The following GNPDA2 variants were observed in gnomAD, a reference collection of about 807,000 sequenced individuals.
GNPDA2 encodes the protein glcN6P deaminase 2.
GNPDA2 carries 24 observed loss-of-function variants against 27.0 expected under a neutral mutation model. The observed-to-expected ratio is 0.89, with a 90% CI of 0.64 to 1.25. The LOEUF is 1.25. GNPDA2 is among the 50% of genes most tolerant of loss of function. GNPDA2 has a pLI of 0.00. For missense variants in GNPDA2, 286 were observed against 335.1 expected (o/e 0.85, Z 1.14); for synonymous variants, 94 against 108.4 (o/e 0.87, Z 0.83).
intron 4 of GNPDA2, 26 bp from the exon 5 acceptor site, chr4:44,711,163 T>C (rs1326720348): frequency 1.2e-5 from 17 of 1,425,270 alleles, no homozygotes; most frequent in Non-Finnish European, 1.6e-5. Context: ...TACATACATA[T>C]ACACATGAAG....
intron 2 of GNPDA2, among the ~76,000 whole-genome samples, chr4:44,719,969 C>T (rs2109718751): frequency 6.6e-6 from 1 of 152,050 alleles, no homozygotes; most frequent in East Asian, 1.9e-4. Flanking sequence ...ACAGGAAAAA[C>T]ATTATAAATA....
Position 44,710,802 on chromosome 4 carries a change from G to A in GNPDA2, c.594+151C>T, listed in dbSNP as rs936351017. On this transcript the variant is annotated intron_variant, in intron 5 of 6. Coordinates refer to ENST00000295448, the MANE Select transcript of GNPDA2 (RefSeq NM_138335.3). ...AATTGATCCCTAAACATGTCAATGA[G>A]ACTGACAAAAGTTGGTTACTGAAAA... 4 of 571,916 alleles carry A rather than the reference G, an allele frequency of 7.0e-6. No homozygotes were observed. In the South Asian group the frequency reaches 8.9e-5, roughly 13 times the overall value. 35.4% of individuals were successfully genotyped at this position (571,916 alleles called of 1,614,324 possible). A position where few individuals can be genotyped will look rare whatever the true frequency, so the allele number is the denominator to read the frequency against.
chr4:44,703,241 TG>T, intron 6 of GNPDA2, 99 bp from the exon 7 acceptor site: 1 of 1,468,534 alleles, frequency 6.8e-7, no homozygotes, highest in East Asian at 2.5e-5. Flanking sequence ...ACAGTAAGCC[TG>T]TTTAGTTCCC....
In GNPDA2 at chr4:44,718,367, A is replaced by G; in HGVS notation, c.168T>C (p.His56=). Residue 56 remains histidine (H), a synonymous_variant, in exon 3 of 7, where the codon CAT becomes CAC. Coordinates refer to ENST00000295448, the MANE Select transcript of GNPDA2 (RefSeq NM_138335.3). ...LGCYKKLIEY[H]KNGHLSFKYV... is the part of the protein sequence containing the mutation. ...ATTTAAAAGAAAGGTGTCCATTCTT[A>G]TGATATTCTATTAGTTTTTTATAGC... The G allele has an allele frequency of 7.2e-7, 1 of 1,382,100 alleles. No individual in the cohort carries two copies. Among genetic ancestry groups the G allele is most frequent in the Non-Finnish European group, 9.9e-7 (1 of 1,007,136 alleles). 85.6% of individuals were successfully genotyped at this position (1,382,100 alleles called of 1,614,324 possible).
At chr4:44,715,232 T>C (rs1273923432) in intron 4 of GNPDA2, among the ~76,000 whole-genome samples, 3 of 152,206 alleles carry the variant, frequency 2.0e-5, no homozygotes, top group Non-Finnish European at 4.4e-5. Flanking sequence ...TTTTATGCTA[T>C]GAATGCTTTC....
At chr4:44,724,547 A>G (rs1448422144) in intron 1 of GNPDA2, among the ~76,000 whole-genome samples, 2 of 149,058 alleles carry the variant, frequency 1.3e-5, no homozygotes, top group Admixed American at 6.8e-5. Flanking sequence ...AATAATTCCC[A>G]TAATTCTTAG....
intron 4 of GNPDA2, chr4:44,714,318 C>T (rs943558974): frequency 1.7e-5 from 17 of 985,220 alleles, no homozygotes; most frequent in Non-Finnish European, 1.8e-5. Flanking sequence ...TATCTTATTG[C>T]TGGGGTTAAG....
At chr4:44,707,726 G>C (rs1411916915) in intron 6 of GNPDA2, 26 bp downstream of exon 6, 1 of 1,594,888 alleles carries the variant, frequency 6.3e-7, no homozygotes, top group African/African-American at 1.3e-5. Context: ...GATTATCTCA[G>C]TCGGCTTTTG....
In GNPDA2 at chr4:44,717,293, G is replaced by C. The variant is rs772187735; in HGVS notation, c.229C>G (p.Leu77Val). Reference protein sequence around the residue: ...KTFNMDEYVGLPRNHPESYHS... With the variant: ...KTFNMDEYVGVPRNHPESYHS... ...TAGCTTTCAGGATGATTTCTTGGAAGTCCTAAAGATGAAGTTAATAAAAAT... is the reference window on the plus strand; with the variant it reads ...TAGCTTTCAGGATGATTTCTTGGAACTCCTAAAGATGAAGTTAATAAAAAT... The change falls in exon 4 of 7, where the codon CTT (leucine) becomes GTT (valine). Residue 77 changes from leucine to valine, a missense_variant and splice_region_variant. Coordinates refer to ENST00000295448, the MANE Select transcript of GNPDA2 (RefSeq NM_138335.3). 1 of 1,450,402 alleles carries C rather than the reference G, an allele frequency of 6.9e-7. No individual in the cohort carries two copies. Among genetic ancestry groups the C allele is most frequent in the South Asian group, 1.4e-5 (1 of 72,184 alleles). 89.8% of individuals were successfully genotyped at this position (1,450,402 alleles called of 1,614,324 possible).
chr4:44,702,824 G>A lies in GNPDA2; in HGVS notation c.*257C>T, dbSNP rs1284806927. On this transcript the variant is annotated 3_prime_UTR_variant, in exon 7 of 7. Transcript: ENST00000295448. The stretch of plus-strand genomic sequence containing the variant: ...TTTTTAAACAGGCAGACATTTCTAT[G>A]CTGTTTTATAGGTGGCTATGTGACT... The A allele has an allele frequency of 3.3e-5, 43 of 1,294,396 alleles. No homozygotes were observed. The highest frequency in any genetic ancestry group is 5.9e-4 in the Middle Eastern group (2 of 3,384). 80.2% of individuals were successfully genotyped at this position (1,294,396 alleles called of 1,614,324 possible). A position where few individuals can be genotyped will look rare whatever the true frequency, so the allele number is the denominator to read the frequency against.
chr4:44,705,824 TAA>T, intron 6 of GNPDA2: 1 of 152,080 alleles, frequency 6.6e-6, no homozygotes, highest in South Asian at 2.1e-4. Context: ...CTCTGTCTGT[TAA>T]GCCTATTAAT....
At chr4:44,714,370 C>T (rs1577589326) in intron 4 of GNPDA2, 3 of 985,322 alleles carry the variant, frequency 3.0e-6, no homozygotes, top group African/African-American at 1.7e-5. Flanking sequence ...TCTCTGAACA[C>T]GTTTGCCATC....
chr4:44,725,168 G>C (rs1280536285), intron 1 of GNPDA2, among the ~76,000 whole-genome samples: 3 of 152,110 alleles, frequency 2.0e-5, no homozygotes, highest in African/African-American at 7.2e-5. Flanking sequence ...AGGTTCTGTA[G>C]ACACAAAAAT....
Position 44,702,655 on chromosome 4 carries a change from G to C in GNPDA2, c.*426C>G, listed in dbSNP as rs116071791. 2.0e-4 allele frequency: 203 copies of C among 1,014,706 alleles called. 1 individual carries two copies. The African/African-American group carries it at 3.2e-3, about 16-fold the overall frequency. The allele number at this position is 1,014,706 out of a possible 1,614,324, so 62.9% of individuals were successfully genotyped here. A position where few individuals can be genotyped will look rare whatever the true frequency, so the allele number is the denominator to read the frequency against. Reference sequence around the variant, plus strand: ...GTGTGTGATGCACAGAAAATATAAAGATTGCATTCCAAAAGTGAAGGTCTG... The same window carrying C: ...GTGTGTGATGCACAGAAAATATAAACATTGCATTCCAAAAGTGAAGGTCTG... On this transcript the variant is annotated 3_prime_UTR_variant, in exon 7 of 7. Coordinates refer to ENST00000295448, the MANE Select transcript of GNPDA2 (RefSeq NM_138335.3).
In GNPDA2 at chr4:44,718,308, C is replaced by A; in HGVS notation, c.226+1G>T. The A allele has an allele frequency of 8.9e-7, 1 of 1,122,330 alleles. No homozygotes were observed. Among genetic ancestry groups the A allele is most frequent in the East Asian group, 2.6e-5 (1 of 38,052 alleles). The allele number at this position is 1,122,330 out of a possible 1,614,324, so 69.5% of individuals were successfully genotyped here. A position where few individuals can be genotyped will look rare whatever the true frequency, so the allele number is the denominator to read the frequency against. ...GGTCAATATATTTAAGTATAGCTTACCTACATATTCATCCATATTAAAGGT... is the reference window on the plus strand; with the variant it reads ...GGTCAATATATTTAAGTATAGCTTAACTACATATTCATCCATATTAAAGGT... On this transcript the variant is annotated splice_donor_variant, in intron 3 of 6. Transcript: ENST00000295448. LOFTEE classifies it high-confidence loss of function.
intron 6 of GNPDA2, chr4:44,705,133 T>C (rs1716509945): frequency 1.0e-6 from 1 of 984,952 alleles, no homozygotes; most frequent in Non-Finnish European, 1.2e-6. Flanking sequence ...GTCAGCACTT[T>C]TTAGTGATGA....
chr4:44,702,590 T>C lies in GNPDA2; in HGVS notation c.*491A>G, dbSNP rs1300171793. On this transcript the variant is annotated 3_prime_UTR_variant, in exon 7 of 7. Coordinates refer to ENST00000295448, the MANE Select transcript of GNPDA2 (RefSeq NM_138335.3). ...ACAATTTTTGATGTCTAGATGGTGC[T>C]GTAGGAAGATGACTAAGGCAACCAC... 1 of 997,928 alleles carries C rather than the reference T, an allele frequency of 1.0e-6. No individual in the cohort carries two copies. The highest frequency in any genetic ancestry group is 1.2e-6 in the Non-Finnish European group (1 of 838,734). 61.8% of individuals were successfully genotyped at this position (997,928 alleles called of 1,614,324 possible).
chr4:44,703,002 T>C lies in GNPDA2; in HGVS notation c.*79A>G. ...CTTCAAAATTCCCCATGTTTTGTCA[T>C]ATTGCATAGCTGAAAATTCATCTAC... On this transcript the variant is annotated 3_prime_UTR_variant, in exon 7 of 7. Coordinates refer to ENST00000295448, the MANE Select transcript of GNPDA2 (RefSeq NM_138335.3). 1.3e-6 allele frequency: 2 copies of C among 1,584,442 alleles called. No individual in the cohort carries two copies. Among genetic ancestry groups the C allele is most frequent in the African/African-American group, 1.4e-5 (1 of 73,168 alleles).
chr4:44,722,503 A>G (rs1717740369), intron 1 of GNPDA2, among the ~76,000 whole-genome samples: 1 of 152,160 alleles, frequency 6.6e-6, no homozygotes, highest in African/African-American at 2.4e-5. Context: ...TGGATTCCAT[A>G]TTCGAGGATT....
Sources: gnomAD v4.1 joint callset for allele counts (sites outside exome capture counted in the v4.1 genomes callset) on GRCh38, gnomAD v4.1.1 for gene constraint, MANE v1.5 for transcripts, NCBI Gene and HGNC (gene_info 2026-07-23, HGNC 2026-07-21) for gene names.